The following ARHGAP22 variants were observed in gnomAD, a reference collection of about 807,000 sequenced individuals.
ARHGAP22 encodes rho GTPase-activating protein 22.
Under a neutral mutation model 59.1 loss-of-function variants are expected in ARHGAP22, and 48 were observed. The ratio of observed to expected loss-of-function variants is 0.81; its 90% CI spans 0.64 to 1.03. ARHGAP22 has a LOEUF of 1.03. Ranked by LOEUF, ARHGAP22 falls within the 50% of genes least tolerant of loss-of-function variation. The pLI is 0.00. For synonymous variants in ARHGAP22, 445 were observed against 416.4 expected (o/e 1.07, Z -0.84); for missense variants, 1,015 against 958.7 (o/e 1.06, Z -0.78).
chr10:48,605,077 C>T (rs368403679), upstream of ARHGAP22: 893 of 1,362,352 alleles, frequency 6.6e-4, 4 homozygotes, highest in South Asian at 3.6e-3. Context: ...AATCACTGGA[C>T]CAGGGCGGGG....
the ARHGAP22 span, chr10:48,438,467 A>G: frequency 2.6e-5 from 4 of 152,252 alleles, no homozygotes; most frequent in Non-Finnish European, 4.4e-5. Context: ...CTCTTCGTTA[A>G]GTGCTCTTAA....
rs535323364 is a variant in ARHGAP22, at chr10:48,578,100, C to T, written c.234+4853G>A. On this transcript the variant is annotated intron_variant, in intron 2 of 9. Coordinates refer to ENST00000249601, the MANE Select transcript of ARHGAP22 (RefSeq NM_021226.4). Reference sequence around the variant, plus strand: ...CTGGGACTAGAGGCGTGAGCCACTGCGCCTGGCCCTAACTGCTTTTTTTTA... The same window carrying T: ...CTGGGACTAGAGGCGTGAGCCACTGTGCCTGGCCCTAACTGCTTTTTTTTA... Among the ~76,000 whole-genome samples the T allele has an allele frequency of 5.9e-5, 9 of 152,184 alleles. No individual in the cohort carries two copies. In the East Asian group the frequency reaches 1.2e-3, roughly 20 times the overall value.
chr10:48,576,275 C>T (rs2058706273), intron 2 of ARHGAP22, among the ~76,000 whole-genome samples: 1 of 152,200 alleles, frequency 6.6e-6, no homozygotes, highest in South Asian at 2.1e-4. Flanking sequence ...TCTTCAGAGG[C>T]CAGCGTGGGG....
chr10:48,435,050 TG>T, the ARHGAP22 span: 7 of 293,638 alleles, frequency 2.4e-5, no homozygotes, highest in Non-Finnish European at 4.0e-5. Context: ...CATCGGGGGG[TG>T]GGAGGGATGG....
intron 1 of ARHGAP22, among the ~76,000 whole-genome samples, chr10:48,602,853 G>A (rs985351393): frequency 6.6e-6 from 1 of 152,234 alleles, no homozygotes; most frequent in Non-Finnish European, 1.5e-5. Flanking sequence ...GCCTGGACTG[G>A]GGTGTGTGGG....
intron 3 of ARHGAP22, among the ~76,000 whole-genome samples, chr10:48,538,110 A>C (rs954444901): frequency 6.6e-6 from 1 of 152,234 alleles, no homozygotes; most frequent in African/African-American, 2.4e-5. Context: ...CCAGAAGTCC[A>C]GGATCGCGGT....
At chr10:48,572,305 T>C (rs1225511077) in intron 2 of ARHGAP22, among the ~76,000 whole-genome samples, 1 of 152,232 alleles carries the variant, frequency 6.6e-6, no homozygotes, top group East Asian at 1.9e-4. Flanking sequence ...AAACAAGTGC[T>C]AAAACAATTG....
intron 9 of ARHGAP22, among the ~76,000 whole-genome samples, chr10:48,447,129 A>C (rs761636844): frequency 6.6e-6 from 1 of 152,122 alleles, no homozygotes; most frequent in Non-Finnish European, 1.5e-5. Flanking sequence ...TGTTCAGCTC[A>C]AGCGCCCCCT....
At chr10:48,638,798 C>A (rs1200247565) in intron 1 of ARHGAP22, among the ~76,000 whole-genome samples, 1 of 151,976 alleles carries the variant, frequency 6.6e-6, no homozygotes, top group Non-Finnish European at 1.5e-5. Context: ...GGGATAATGG[C>A]AATAATGCCT....
At chr10:48,437,565 T>C in the ARHGAP22 span, 2 of 152,220 alleles carry the variant, frequency 1.3e-5, no homozygotes, top group Non-Finnish European at 2.9e-5. Context: ...TCCTGGTTAC[T>C]ATTCTCTTCC....
intron 2 of ARHGAP22, among the ~76,000 whole-genome samples, chr10:48,580,933 TAAA>T (rs3076348): frequency 0.25 from 36,593 of 147,766 alleles, 4,918 homozygotes; most frequent in Non-Finnish European, 0.3. Context: ...CAATCTAAAG[TAAA>T]AAAAAAAAAA....
chr10:48,583,284 G>T, intron 1 of ARHGAP22, 132 bp from the exon 2 acceptor site: 1 of 1,044,772 alleles, frequency 9.6e-7, no homozygotes, highest in Non-Finnish European at 1.4e-6. Context: ...GAGCAGCTGG[G>T]CCTACTTCCC....
intron 1 of ARHGAP22, among the ~76,000 whole-genome samples, chr10:48,645,838 T>C (rs1012751895): frequency 6.6e-6 from 1 of 151,598 alleles, no homozygotes; most frequent in South Asian, 2.1e-4. Flanking sequence ...AAAAAGAGGG[T>C]CGGGAGAGGG....
At chr10:48,646,745 C>T (rs2062316667) in intron 1 of ARHGAP22, among the ~76,000 whole-genome samples, 1 of 152,184 alleles carries the variant, frequency 6.6e-6, no homozygotes, top group African/African-American at 2.4e-5. Flanking sequence ...CAAAATTGGT[C>T]TTAGCTCTAA....
At chr10:48,555,375 G>T in intron 3 of ARHGAP22, 88 bp downstream of exon 3, 1 of 919,004 alleles carries the variant, frequency 1.1e-6, no homozygotes, top group Non-Finnish European at 1.6e-6. Context: ...TCCTGCGGGA[G>T]GAGTGTCACG....
At chr10:48,599,476 A>T (rs1485982594) in intron 1 of ARHGAP22, among the ~76,000 whole-genome samples, 1 of 152,254 alleles carries the variant, frequency 6.6e-6, no homozygotes, top group Non-Finnish European at 1.5e-5. Context: ...CTGACTCCTC[A>T]TGTGAGCAGG....
intron 1 of ARHGAP22, among the ~76,000 whole-genome samples, chr10:48,640,620 C>A (rs1269371725): frequency 6.6e-6 from 1 of 152,070 alleles, no homozygotes; most frequent in Non-Finnish European, 1.5e-5. Flanking sequence ...AATTCTATAT[C>A]AAAAAATATA....
At chr10:48,620,946 C>A (rs1272208667) in intron 1 of ARHGAP22, among the ~76,000 whole-genome samples, 2 of 152,254 alleles carry the variant, frequency 1.3e-5, no homozygotes, top group Middle Eastern at 3.2e-3. Flanking sequence ...CTGCCAGTTA[C>A]AAACACCATG....
In ARHGAP22 at chr10:48,652,403, A is replaced by G. The variant is rs1372272187; in HGVS notation, c.-118T>C. 4 of 831,006 alleles carry G rather than the reference A, an allele frequency of 4.8e-6. No individual in the cohort carries two copies. In the African/African-American group the frequency reaches 6.9e-5, roughly 14 times the overall value. 51.5% of individuals were successfully genotyped at this position (831,006 alleles called of 1,614,324 possible). On this transcript the variant is annotated 5_prime_UTR_variant, in exon 1 of 10. Transcript: ENST00000435790. ...AGTAACAGGAGATCCACATCTATAG[A>G]AAAGAAATATATTTAGAATGCCCTT...
Sources: gnomAD v4.1 joint callset for allele counts (sites outside exome capture counted in the v4.1 genomes callset) on GRCh38, gnomAD v4.1.1 for gene constraint, MANE v1.5 for transcripts, NCBI Gene and HGNC (gene_info 2026-07-23, HGNC 2026-07-21) for gene names.